Variants in BRINP1 observed in about 807,000 individuals in gnomAD.
BRINP1 encodes BMP/retinoic acid inducible neural specific 1, also known as BMP/retinoic acid-inducible neural-specific protein 1.
In BRINP1, 17 loss-of-function variants were observed where a neutral mutation model predicts 72.9. That is an observed-to-expected ratio of 0.23 (90% CI 0.16 to 0.35). The LOEUF (loss-of-function observed/expected upper bound fraction) is 0.35. Among genes scored for constraint, BRINP1 ranks in the 10% least tolerant of loss-of-function variants. BRINP1 has a pLI of 1.00. For missense variants in BRINP1, 850 were observed against 1,001.6 expected (o/e 0.85, Z 2.04); for synonymous variants, 418 against 378.5 (o/e 1.10, Z -1.21).
At chr9:119,328,447 G>T (rs1831261460) in intron 1 of BRINP1, among the ~76,000 whole-genome samples, 1 of 152,130 alleles carries the variant, frequency 6.6e-6, no homozygotes, top group South Asian at 2.1e-4. Flanking sequence ...AGAGTCAATG[G>T]AAGATTTTTT....
intron 1 of BRINP1, among the ~76,000 whole-genome samples, chr9:119,351,819 T>A (rs59579486): frequency 0.044 from 2,453 of 55,354 alleles, 82 homozygotes; most frequent in African/African-American, 0.13. Context: ...TATTTTTTTA[T>A]TTTTTTTTTA....
intron 1 of BRINP1, among the ~76,000 whole-genome samples, chr9:119,351,483 C>T (rs1564255159): frequency 1.3e-5 from 2 of 152,072 alleles, no homozygotes; most frequent in African/African-American, 2.4e-5. Flanking sequence ...CAAGCCAATG[C>T]TTCAAAGGAA....
chr9:119,317,039 C>T (rs1206126125), intron 1 of BRINP1, among the ~76,000 whole-genome samples: 1 of 151,328 alleles, frequency 6.6e-6, no homozygotes, highest in African/African-American at 2.5e-5. Flanking sequence ...CGCCGGGAAC[C>T]AAGATCGCAC....
chr9:119,170,908 ATACTT>A (rs1249193947), intron 7 of BRINP1, among the ~76,000 whole-genome samples: 1 of 144,892 alleles, frequency 6.9e-6, no homozygotes, highest in Non-Finnish European at 1.5e-5. Flanking sequence ...GAGAAATAAA[ATACTT>A]TACAGACAAG....
chr9:119,268,074 C>G (rs1420329295), intron 2 of BRINP1, among the ~76,000 whole-genome samples: 1 of 152,070 alleles, frequency 6.6e-6, no homozygotes. Context: ...GAAACCCCAT[C>G]TCTACTAAAA....
intron 1 of BRINP1, among the ~76,000 whole-genome samples, chr9:119,341,554 G>A (rs1330479479): frequency 6.6e-6 from 1 of 152,100 alleles, no homozygotes; most frequent in Non-Finnish European, 1.5e-5. Context: ...AATCAGCCAC[G>A]ATTTTATGAG....
chr9:119,225,268 G>A (rs1395329617), intron 5 of BRINP1, among the ~76,000 whole-genome samples: 2 of 151,946 alleles, frequency 1.3e-5, no homozygotes, highest in Non-Finnish European at 2.9e-5. Flanking sequence ...TAAAATGGAG[G>A]AAGCCAGACA....
chr9:119,350,198 T>A (rs559202534), intron 1 of BRINP1, among the ~76,000 whole-genome samples: 4 of 152,322 alleles, frequency 2.6e-5, no homozygotes, highest in South Asian at 4.1e-4. Flanking sequence ...CTGCTCTGGA[T>A]GAAGGCTGCC....
At chr9:119,193,400 T>C (rs1829702064) in intron 7 of BRINP1, among the ~76,000 whole-genome samples, 1 of 151,612 alleles carries the variant, frequency 6.6e-6, no homozygotes, top group Non-Finnish European at 1.5e-5. Context: ...GACAGAGAAA[T>C]AGATAATGGA....
rs186905574 is a variant in BRINP1, at chr9:119,290,579, A to G, written c.218+22559T>C. Among the ~76,000 whole-genome samples, 3 of 152,278 alleles carry G rather than the reference A, an allele frequency of 2.0e-5. No individual in the cohort carries two copies. The East Asian group carries it at 5.8e-4, about 29-fold the overall frequency. ...AATGCATTTGGCAGTTAGGTGCAAA[A>G]ATTCTGGAGTTTGAAGGAGAGATGA... On this transcript the variant is annotated intron_variant, in intron 2 of 7. Transcript: ENST00000265922.
At chr9:119,183,957 T>G (rs1315221686) in intron 7 of BRINP1, among the ~76,000 whole-genome samples, 1 of 151,994 alleles carries the variant, frequency 6.6e-6, no homozygotes, top group Non-Finnish European at 1.5e-5. Flanking sequence ...GAGAATTGGG[T>G]GATGGCTCTG....
chr9:119,361,235 T>G (rs1831625856), intron 1 of BRINP1, among the ~76,000 whole-genome samples: 2 of 152,122 alleles, frequency 1.3e-5, no homozygotes, highest in Admixed American at 1.3e-4. Context: ...AAAGATCCCC[T>G]TCACCCTCAT....
intron 2 of BRINP1, among the ~76,000 whole-genome samples, chr9:119,277,913 C>T (rs1048928754): frequency 6.6e-6 from 1 of 152,130 alleles, no homozygotes; most frequent in African/African-American, 2.4e-5. Context: ...AGGTTACCCC[C>T]CTACCTCTGC....
At chr9:119,273,410 A>G (rs1830625952) in intron 2 of BRINP1, among the ~76,000 whole-genome samples, 1 of 152,184 alleles carries the variant, frequency 6.6e-6, no homozygotes, top group East Asian at 1.9e-4. Context: ...AGATGGGCAG[A>G]ATCTCGGCTG....
At chr9:119,176,767 A>G (rs1829494789) in intron 7 of BRINP1, among the ~76,000 whole-genome samples, 1 of 152,208 alleles carries the variant, frequency 6.6e-6, no homozygotes, top group Admixed American at 6.5e-5. Context: ...CGGGGATTTC[A>G]CTATCGCTCT....
chr9:119,177,750 C>T lies in BRINP1; in HGVS notation c.1146-9526G>A, dbSNP rs186632190. Among the ~76,000 whole-genome samples the T allele has an allele frequency of 9.9e-5, 15 of 152,234 alleles. No individual in the cohort carries two copies. The East Asian group carries it at 2.3e-3, about 24-fold the overall frequency. The stretch of plus-strand genomic sequence containing the variant: ...TTCCTGGTGATGCTGCAATAAGCAA[C>T]GGGGCTAGTGGCAAATTAGGATTCC... On this transcript the variant is annotated intron_variant, in intron 7 of 7. Transcript: ENST00000265922.
intron 7 of BRINP1, among the ~76,000 whole-genome samples, chr9:119,184,076 G>C (rs1829586876): frequency 6.6e-6 from 1 of 152,128 alleles, no homozygotes; most frequent in Non-Finnish European, 1.5e-5. Context: ...CTACTTCCGA[G>C]CCACAGGGGG....
intron 7 of BRINP1, among the ~76,000 whole-genome samples, chr9:119,175,258 A>G (rs922796850): frequency 1.3e-5 from 2 of 152,078 alleles, no homozygotes; most frequent in Non-Finnish European, 2.9e-5. Flanking sequence ...TCAGCAAACT[A>G]ACAAACATAA....
At chr9:119,300,976 A>T (rs1012738235) in intron 2 of BRINP1, among the ~76,000 whole-genome samples, 5 of 152,168 alleles carry the variant, frequency 3.3e-5, no homozygotes, top group Non-Finnish European at 5.9e-5. Flanking sequence ...CACCTACTAA[A>T]CAGGTTCCTT....
Sources: gnomAD v4.1 joint callset for allele counts (sites outside exome capture counted in the v4.1 genomes callset) on GRCh38, gnomAD v4.1.1 for gene constraint, MANE v1.5 for transcripts, NCBI Gene and HGNC (gene_info 2026-07-23, HGNC 2026-07-21) for gene names.